GFRA1: variants seen among roughly 807,000 people sequenced by gnomAD.
GFRA1 encodes the protein GDNF family receptor alpha-1.
Under a neutral mutation model 51.6 loss-of-function variants are expected in GFRA1, and 16 were observed. The observed-to-expected ratio is 0.31, with a 90% CI of 0.21 to 0.47. The LOEUF is 0.47. Among genes scored for constraint, GFRA1 ranks in the 20% least tolerant of loss-of-function variants. The pLI is 1.00. For synonymous variants in GFRA1, 270 were observed against 241.3 expected (o/e 1.12, Z -1.10); for missense variants, 530 against 594.3 (o/e 0.89, Z 1.13).
At chr10:116,151,169 G>A (rs1283188223) in intron 5 of GFRA1, among the ~76,000 whole-genome samples, 1 of 152,156 alleles carries the variant, frequency 6.6e-6, no homozygotes, top group African/African-American at 2.4e-5. Flanking sequence ...TGTTGGAACA[G>A]ATATCAAGGC....
chr10:116,148,087 T>TGC, intron 5 of GFRA1, among the ~76,000 whole-genome samples: 1 of 117,904 alleles, frequency 8.5e-6, no homozygotes, highest in Non-Finnish European at 1.8e-5. Flanking sequence ...TGTGTGTGTG[T>TGC]GCATGCGTGT....
chr10:116,234,519 C>G (rs536539192), intron 4 of GFRA1, among the ~76,000 whole-genome samples: 48 of 152,374 alleles, frequency 3.2e-4, no homozygotes, highest in African/African-American at 9.6e-4. Flanking sequence ...CAACTCATCA[C>G]AGACGTGGGA....
chr10:116,180,151 A>G (rs988768916), intron 5 of GFRA1, among the ~76,000 whole-genome samples: 1 of 152,156 alleles, frequency 6.6e-6, no homozygotes, highest in African/African-American at 2.4e-5. Context: ...TTTTGACTCA[A>G]AGGTTTTAAA....
At chr10:116,121,875 C>T (rs147958298) in intron 6 of GFRA1, among the ~76,000 whole-genome samples, 11 of 152,166 alleles carry the variant, frequency 7.2e-5, no homozygotes, top group Non-Finnish European at 1.2e-4. Context: ...AGAACAACAA[C>T]GGCCTCACAG....
intron 6 of GFRA1, among the ~76,000 whole-genome samples, chr10:116,112,838 C>G (rs1957265704): frequency 6.6e-6 from 1 of 152,202 alleles, no homozygotes; most frequent in Admixed American, 6.5e-5. Flanking sequence ...TTGGCTGGGG[C>G]AGACATCCCA....
chr10:116,230,826 T>C (rs181123005), intron 4 of GFRA1, among the ~76,000 whole-genome samples: 2 of 152,174 alleles, frequency 1.3e-5, no homozygotes, highest in Admixed American at 6.5e-5. Flanking sequence ...GTAGCAACCA[T>C]GGCAATTATT....
chr10:116,161,386 A>G (rs1959773139), intron 5 of GFRA1, among the ~76,000 whole-genome samples: 1 of 152,170 alleles, frequency 6.6e-6, no homozygotes, highest in African/African-American at 2.4e-5. Flanking sequence ...CATGTTCTGC[A>G]AGAACCAATT....
In GFRA1 at chr10:116,057,849, T is replaced by G. The variant is rs551129376; in HGVS notation, c.*6549A>C. The G allele has an allele frequency of 6.6e-6, 1 of 151,898 alleles. No individual in the cohort carries two copies. Among genetic ancestry groups the G allele is most frequent in the African/African-American group, 2.4e-5 (1 of 41,368 alleles). The allele number at this position is 151,898 out of a possible 1,614,324, so 9.4% of individuals were successfully genotyped here. A position where few individuals can be genotyped will look rare whatever the true frequency, so the allele number is the denominator to read the frequency against. On this transcript the variant is annotated 3_prime_UTR_variant, in exon 11 of 11. Transcript: ENST00000355422. Reference sequence around the variant, plus strand: ...ATATGGCAGGGCAAACTGATTTGGTTCTGCGATTTCCATTCTCCTCTCCAC... The same window carrying G: ...ATATGGCAGGGCAAACTGATTTGGTGCTGCGATTTCCATTCTCCTCTCCAC...
chr10:116,095,192 C>T (rs993000980), intron 7 of GFRA1, among the ~76,000 whole-genome samples: 2 of 152,214 alleles, frequency 1.3e-5, no homozygotes, highest in African/African-American at 2.4e-5. Context: ...GAAGTGTTAA[C>T]AGGGACTACA....
chr10:116,117,618 T>C (rs964196314), intron 6 of GFRA1, among the ~76,000 whole-genome samples: 3 of 148,660 alleles, frequency 2.0e-5, no homozygotes, highest in Non-Finnish European at 4.5e-5. Flanking sequence ...GGTGGATGGA[T>C]AGATAAATGG....
At chr10:116,192,825 G>T (rs931033707) in intron 5 of GFRA1, among the ~76,000 whole-genome samples, 1 of 152,202 alleles carries the variant, frequency 6.6e-6, no homozygotes, top group Non-Finnish European at 1.5e-5. Flanking sequence ...AATAAGAGAT[G>T]ATTCCCTTTC....
intron 4 of GFRA1, among the ~76,000 whole-genome samples, chr10:116,242,030 G>A (rs959251060): frequency 4.6e-5 from 7 of 152,134 alleles, no homozygotes; most frequent in African/African-American, 1.4e-4. Flanking sequence ...GAAAACTCAG[G>A]CAGTTACCCA....
chr10:116,260,477 T>C (rs1969218245), intron 4 of GFRA1, among the ~76,000 whole-genome samples: 1 of 152,244 alleles, frequency 6.6e-6, no homozygotes, highest in African/African-American at 2.4e-5. Flanking sequence ...TGCATAGTTC[T>C]ATATGTTTTG....
At chr10:116,069,427 A>T (rs1416284176) in intron 9 of GFRA1, among the ~76,000 whole-genome samples, 1 of 152,142 alleles carries the variant, frequency 6.6e-6, no homozygotes, top group Non-Finnish European at 1.5e-5. Context: ...TATACTAGAG[A>T]GGCCTGTCCC....
chr10:116,222,839 C>T (rs942816504), intron 4 of GFRA1, among the ~76,000 whole-genome samples: 11 of 151,910 alleles, frequency 7.2e-5, no homozygotes, highest in South Asian at 4.2e-4. Flanking sequence ...CAACCAACCA[C>T]GGATTGAAAA....
intron 5 of GFRA1, among the ~76,000 whole-genome samples, chr10:116,171,886 A>C (rs1961063646): frequency 6.6e-6 from 1 of 152,190 alleles, no homozygotes; most frequent in South Asian, 2.1e-4. Context: ...TGCTGGTATC[A>C]GTGTGGTATC....
chr10:116,229,032 C>T (rs867275868), intron 4 of GFRA1, among the ~76,000 whole-genome samples: 2 of 117,312 alleles, frequency 1.7e-5, no homozygotes, highest in African/African-American at 6.0e-5. Context: ...CTCTAGAAAA[C>T]GGAAAAGGCA....
chr10:116,166,592 T>C (rs1960435410), intron 5 of GFRA1, among the ~76,000 whole-genome samples: 1 of 151,992 alleles, frequency 6.6e-6, no homozygotes, highest in Non-Finnish European at 1.5e-5. Flanking sequence ...TATGTGACCC[T>C]GACCCTCGGT....
intron 5 of GFRA1, among the ~76,000 whole-genome samples, chr10:116,203,905 C>T (rs976833028): frequency 6.6e-6 from 1 of 152,218 alleles, no homozygotes; most frequent in Non-Finnish European, 1.5e-5. Flanking sequence ...AGAAACAAGA[C>T]ACTATGCAAT....
Sources: allele counts gnomAD v4.1 joint callset (sites outside exome capture counted in the v4.1 genomes callset), GRCh38; gene constraint gnomAD v4.1.1; transcripts MANE v1.5; gene names NCBI Gene and HGNC (gene_info 2026-07-23, HGNC 2026-07-21).